PHKA1: variants seen among roughly 807,000 people sequenced by gnomAD.
PHKA1 encodes phosphorylase b kinase regulatory subunit alpha, skeletal muscle isoform.
PHKA1 carries 60 observed loss-of-function variants against 110.2 expected under a neutral mutation model. That is an observed-to-expected ratio of 0.54 (90% CI 0.44 to 0.68). The LOEUF is 0.68. Among genes scored for constraint, PHKA1 ranks in the 30% least tolerant of loss-of-function variants. The pLI is 0.00. For missense variants in PHKA1, 801 were observed against 942.5 expected (o/e 0.85, Z 1.97); for synonymous variants, 316 against 333.6 (o/e 0.95, Z 0.58).
At chrX:72,582,933 G>C (rs1366190638) in intron 30 of PHKA1, among the ~76,000 whole-genome samples, 3 of 111,794 alleles carry the variant, frequency 2.7e-5, no homozygotes, top group Admixed American at 9.5e-5. Flanking sequence ...CTAAACATGG[G>C]AACGGCATAT....
At chrX:72,637,435 C>T (rs1250616374) in intron 14 of PHKA1, among the ~76,000 whole-genome samples, 1 of 112,026 alleles carries the variant, frequency 8.9e-6, no homozygotes, top group Non-Finnish European at 1.9e-5. Context: ...TTTGTGTATA[C>T]ATTGCATATT....
intron 3 of PHKA1, among the ~76,000 whole-genome samples, chrX:72,697,631 G>C (rs782342248): frequency 9.3e-6 from 1 of 108,019 alleles, no homozygotes; most frequent in East Asian, 2.9e-4. Context: ...GACTAAAATA[G>C]TTATCGCAAC....
chrX:72,620,864 G>A lies in PHKA1; in HGVS notation c.1998C>T (p.His666=), dbSNP rs368673487. ...GATGGGGAGCAGTGTGCGCCAAAAGGTGATCTAAATAACGAGCAACTTCAT... is the reference window on the plus strand; with the variant it reads ...GATGGGGAGCAGTGTGCGCCAAAAGATGATCTAAATAACGAGCAACTTCAT... ...CGDEVARYLD[H]LLAHTAPHPK... is the part of the protein sequence containing the mutation. The change falls in exon 19 of 32, where the codon CAC becomes CAT. Residue 666 remains histidine, a synonymous_variant. Transcript: ENST00000373542. The A allele has an allele frequency of 1.7e-4, 207 of 1,208,584 alleles. No individual in the cohort carries two copies. Among genetic ancestry groups the A allele is most frequent in the Non-Finnish European group, 2.2e-4 (200 of 894,895 alleles).
chrX:72,704,787 C>T (rs913607787), intron 3 of PHKA1, among the ~76,000 whole-genome samples: 12 of 111,529 alleles, frequency 1.1e-4, no homozygotes, highest in Non-Finnish European at 1.9e-4. Context: ...GACAACGCTT[C>T]GCCATGTTGC....
intron 17 of PHKA1, 139 bp downstream of exon 17, chrX:72,626,832 C>A: frequency 3.7e-6 from 2 of 534,208 alleles, no homozygotes; most frequent in Non-Finnish European, 6.7e-6. Flanking sequence ...AGGTTGACCA[C>A]GGGTAACTGA....
chrX:72,596,374 T>C (rs1478031131), intron 28 of PHKA1, among the ~76,000 whole-genome samples: 1 of 111,449 alleles, frequency 9.0e-6, no homozygotes, highest in African/African-American at 3.3e-5. Flanking sequence ...AGATCTACTG[T>C]ACAACATCAA....
chrX:72,701,088 A>T (rs2054198946), intron 3 of PHKA1, among the ~76,000 whole-genome samples: 1 of 112,618 alleles, frequency 8.9e-6, no homozygotes. Context: ...ATGGCAATAC[A>T]GTTATTTGCG....
chrX:72,639,378 A>T (rs189471036), intron 14 of PHKA1, among the ~76,000 whole-genome samples: 70 of 111,015 alleles, frequency 6.3e-4, no homozygotes, highest in African/African-American at 2.2e-3. Context: ...TCTACTAAAA[A>T]TACAAAAATT....
chrX:72,644,611 G>T (rs1223481406), intron 13 of PHKA1, 115 bp from the exon 14 acceptor site: 1 of 612,996 alleles, frequency 1.6e-6, no homozygotes. Flanking sequence ...GGGAGGAAAT[G>T]AACAGTTATT....
intron 25 of PHKA1, among the ~76,000 whole-genome samples, chrX:72,604,697 T>C (rs2052703701): frequency 9.0e-6 from 1 of 111,546 alleles, no homozygotes; most frequent in Non-Finnish European, 1.9e-5. Flanking sequence ...GTCATAGGGG[T>C]CCATTGTTCC....
At position 72,644,435 on chromosome X, in the gene PHKA1, C is replaced by A. The variant is rs782248275; in HGVS notation, c.1386G>T (p.Val462=). 2 of 1,206,591 alleles carry A rather than the reference C, an allele frequency of 1.7e-6. No individual in the cohort carries two copies. Among genetic ancestry groups the A allele is most frequent in the Non-Finnish European group, 2.2e-6 (2 of 891,356 alleles). The part of the protein sequence containing the change: ...KTILKDKGIY[V]ETIAEVYPIR... ...TGGGGTATACCTCAGCAATGGTCTC[C>A]ACGTAAATTCCCTTGTCCTTCAAAA... is the stretch of plus-strand genomic sequence containing the variant. Residue 462 remains valine (V), a synonymous_variant, in exon 14 of 32, where the codon GTG becomes GTT. Coordinates refer to ENST00000373542, the MANE Select transcript of PHKA1 (RefSeq NM_002637.4).
chrX:72,654,164 CATGTTTGGTT>C (rs1271140312), intron 10 of PHKA1, among the ~76,000 whole-genome samples: 15 of 111,724 alleles, frequency 1.3e-4, no homozygotes, highest in African/African-American at 4.5e-4. Flanking sequence ...ACATGAATTT[CATGTTTGGTT>C]ATGCACAATT....
chrX:72,681,638 A>T (rs1335191710), intron 5 of PHKA1, among the ~76,000 whole-genome samples: 16 of 64,257 alleles, frequency 2.5e-4, no homozygotes, highest in African/African-American at 8.4e-4. Flanking sequence ...GGAGCCCCTC[A>T]GCCCGGCCAG....
chrX:72,593,967 G>A (rs1202183179), intron 28 of PHKA1, among the ~76,000 whole-genome samples: 1 of 111,708 alleles, frequency 9.0e-6, no homozygotes, highest in Non-Finnish European at 1.9e-5. Flanking sequence ...ATCATACGAA[G>A]TATGTTCTCT....
Position 72,580,910 on chromosome X carries a change from G to A in PHKA1, c.*92C>T, listed in dbSNP as rs1465004303. 8.6e-6 allele frequency: 7 copies of A among 817,064 alleles called. No individual in the cohort carries two copies. The highest frequency in any genetic ancestry group is 6.5e-5 in the South Asian group (3 of 45,805). 67.3% of individuals were successfully genotyped at this position (817,064 alleles called of 1,213,427 possible). On this transcript the variant is annotated 3_prime_UTR_variant, in exon 32 of 32. Coordinates refer to ENST00000373542, the MANE Select transcript of PHKA1 (RefSeq NM_002637.4). The stretch of plus-strand genomic sequence containing the variant: ...TGGGACAGAAAGGGGCAGGGTTGGA[G>A]TGATTAGGCAATAACATTTTAGTTC...
Position 72,645,831 on chromosome X carries a change from T to G in PHKA1, c.1325-1335A>C, listed in dbSNP as rs186886865. Among the ~76,000 whole-genome samples the G allele has an allele frequency of 5.0e-4, 56 of 111,933 alleles. No homozygotes were observed. In the East Asian group the frequency reaches 0.011, roughly 23 times the overall value. The stretch of plus-strand genomic sequence containing the variant: ...GTAAATAGAGATAAGTGCACAAAAC[T>G]TTATGAGACCATCCAGGAGTGACAC... On this transcript the variant is annotated intron_variant, in intron 13 of 31. Coordinates refer to ENST00000373542, the MANE Select transcript of PHKA1 (RefSeq NM_002637.4).
At chrX:72,607,029 C>G (rs1201544411) in intron 23 of PHKA1, among the ~76,000 whole-genome samples, 1 of 111,666 alleles carries the variant, frequency 9.0e-6, no homozygotes, top group Non-Finnish European at 1.9e-5. Flanking sequence ...CCAGTTCCAT[C>G]CATGTTGTTA....
intron 1 of PHKA1, 23 bp downstream of exon 1, chrX:72,713,780 A>G: frequency 8.7e-7 from 1 of 1,155,083 alleles, no homozygotes; most frequent in East Asian, 3.0e-5. Flanking sequence ...CTCGGTGATT[A>G]CGAGAGACAC....
intron 5 of PHKA1, among the ~76,000 whole-genome samples, chrX:72,684,258 TCA>T (rs2053943336): frequency 9.0e-6 from 1 of 111,604 alleles, no homozygotes; most frequent in Admixed American, 9.5e-5. Flanking sequence ...CCATGAGATA[TCA>T]CAGAGTTTGA....
Sources: gnomAD v4.1 joint callset for allele counts (sites outside exome capture counted in the v4.1 genomes callset) on GRCh38, gnomAD v4.1.1 for gene constraint, MANE v1.5 for transcripts, NCBI Gene and HGNC (gene_info 2026-07-23, HGNC 2026-07-21) for gene names.